The following ZNF546 variants were observed in gnomAD, a reference collection of about 807,000 sequenced individuals.
ZNF546 encodes zinc finger protein 546, also known as CTC-471F3.6.
In ZNF546, 60 loss-of-function variants were observed where a neutral mutation model predicts 76.2. That is an observed-to-expected ratio of 0.79 (90% confidence interval 0.64 to 0.98). The LOEUF (loss-of-function observed/expected upper bound fraction) is 0.98. Among genes scored for constraint, ZNF546 ranks in the 50% least tolerant of loss-of-function variants. ZNF546 has a pLI of 0.00. For missense variants in ZNF546, 936 were observed against 1,035.6 expected (o/e 0.90, Z 1.32); for synonymous variants, 277 against 328.1 (o/e 0.84, Z 1.68).
chr19:40,016,041 C>T lies in ZNF546; in HGVS notation c.*260C>T, dbSNP rs1971762326. 1 of 465,756 alleles carries T rather than the reference C, an allele frequency of 2.1e-6. No homozygotes were observed. Among genetic ancestry groups the T allele is most frequent in the South Asian group, 2.4e-5 (1 of 42,376 alleles). 28.9% of individuals were successfully genotyped at this position (465,756 alleles called of 1,614,324 possible). A position where few individuals can be genotyped will look rare whatever the true frequency, so the allele number is the denominator to read the frequency against. ...CAAACTGTTGTTGAACAGTGCTTCT[C>T]TAAAATGCAATAATAATGGGCCAGG... On this transcript the variant is annotated 3_prime_UTR_variant, in exon 7 of 7. Coordinates refer to ENST00000347077, the MANE Select transcript of ZNF546 (RefSeq NM_178544.5).
At chr19:40,008,781 G>A (rs1207057767) in intron 6 of ZNF546, among the ~76,000 whole-genome samples, 5 of 152,146 alleles carry the variant, frequency 3.3e-5, no homozygotes, top group African/African-American at 7.2e-5. Flanking sequence ...CTCTTCTCTC[G>A]TATTTCTCTC....
intron 3 of ZNF546, among the ~76,000 whole-genome samples, chr19:40,003,761 C>T (rs1197773354): frequency 2.0e-5 from 3 of 151,964 alleles, no homozygotes; most frequent in Admixed American, 1.3e-4. Context: ...CCTGCAATAC[C>T]AGCACTTTGG....
rs374322993 is a variant in ZNF546, at chr19:40,015,910, G to C, written c.*129G>C. On this transcript the variant is annotated 3_prime_UTR_variant, in exon 7 of 7. Coordinates refer to ENST00000347077, the MANE Select transcript of ZNF546 (RefSeq NM_178544.5). ...CTCACAATTTATCAGAAATTATTTCGTATGTTAAAGAGTCGAAAGACTATA... is the reference window on the plus strand; with the variant it reads ...CTCACAATTTATCAGAAATTATTTCCTATGTTAAAGAGTCGAAAGACTATA... The C allele has an allele frequency of 3.5e-6, 3 of 865,146 alleles. No individual in the cohort carries two copies. The Admixed American group carries it at 6.9e-5, about 20-fold the overall frequency. 53.6% of individuals were successfully genotyped at this position (865,146 alleles called of 1,614,324 possible).
Position 40,014,227 on chromosome 19 carries a change from T to G in ZNF546, c.957T>G (p.His319Gln). 6.2e-7 allele frequency: 1 copy of G among 1,613,532 alleles called. No individual in the cohort carries two copies. The highest frequency in any genetic ancestry group is 8.5e-7 in the Non-Finnish European group (1 of 1,179,560). The change falls in exon 7 of 7, where the codon CAT (histidine) becomes CAG (glutamine). Residue 319 changes from histidine (H) to glutamine (Q), a missense_variant. Coordinates refer to ENST00000347077, the MANE Select transcript of ZNF546 (RefSeq NM_178544.5). ...GTCGTGTTAGAGACCTTAGAGTACATCAGACAATTCATGCTGGAGAGAGAC... is the reference window on the plus strand; with the variant it reads ...GTCGTGTTAGAGACCTTAGAGTACAGCAGACAATTCATGCTGGAGAGAGAC... ...AFSRVRDLRV[H>Q]QTIHAGERPY...
rs374568590 is a variant in ZNF546, at chr19:40,001,073, A to T, written c.84+2663A>T. Among the ~76,000 whole-genome samples the T allele has an allele frequency of 5.3e-5, 8 of 152,208 alleles. No homozygotes were observed. In the East Asian group the frequency reaches 1.5e-3, roughly 29 times the overall value. ...CCTAGATCCCTCACATGGTCAGTTC[A>T]TAATAGGGTTCGCACTCCTATGAAA... is the stretch of plus-strand genomic sequence containing the variant. On this transcript the variant is annotated intron_variant, in intron 3 of 6. Coordinates refer to ENST00000347077, the MANE Select transcript of ZNF546 (RefSeq NM_178544.5).
At position 39,998,365 on chromosome 19, in the gene ZNF546, CT is replaced by C. The variant is rs1329428207; in HGVS notation, c.42del (p.Leu15SerfsTer13). 3 of 1,614,148 alleles carry C rather than the reference CT, an allele frequency of 1.9e-6. No individual in the cohort carries two copies. The highest frequency in any genetic ancestry group is 1.7e-5 in the Admixed American group (1 of 60,024). On this transcript the variant is annotated frameshift_variant, in exon 3 of 7. Coordinates refer to ENST00000347077, the MANE Select transcript of ZNF546 (RefSeq NM_178544.5). LOFTEE classifies it high-confidence loss of function. ...DPPLHGPPND[F>X]LIFQIIPLHS... is the part of the protein sequence containing the mutation. The stretch of plus-strand genomic sequence containing the variant: ...CTCCTCTTCACGGGCCTCCAAATGA[CT>C]TTCTCATTTTTCAAATCATTCCTCT...
At position 40,014,112 on chromosome 19, in the gene ZNF546, C is replaced by A; in HGVS notation, c.842C>A (p.Ala281Asp). The A allele has an allele frequency of 6.2e-7, 1 of 1,614,002 alleles. No individual in the cohort carries two copies. The highest frequency in any genetic ancestry group is 8.5e-7 in the Non-Finnish European group (1 of 1,179,936). The change falls in exon 7 of 7, where the codon GCC becomes GAC. Residue 281 changes from alanine to aspartate, a missense_variant. Ala to Asp is a moderately radical substitution (Grantham distance 126, BLOSUM62 -2). Coordinates refer to ENST00000347077, the MANE Select transcript of ZNF546 (RefSeq NM_178544.5). ...RPYECKECGKAFRLHYHLTEH... is the reference protein window; with the variant it reads ...RPYECKECGKDFRLHYHLTEH... ...TATGAATGTAAAGAATGTGGGAAGG[C>A]CTTTAGACTTCATTATCACCTTACT...
At chr19:40,012,172 G>A (rs984238714) in intron 6 of ZNF546, among the ~76,000 whole-genome samples, 4 of 152,132 alleles carry the variant, frequency 2.6e-5, no homozygotes, top group Non-Finnish European at 4.4e-5. Flanking sequence ...TACTTGAGTT[G>A]GGACAGAGAC....
rs1971740143 is a variant in ZNF546, at chr19:40,015,077, C to T, written c.1807C>T (p.His603Tyr). ...TAATCTTACTCAACATTTTAAAATT[C>T]ATACTGGTGAAAAACCCTACATATG... ...RYNLTQHFKIHTGEKPYICNE... is the reference protein window; with the variant it reads ...RYNLTQHFKIYTGEKPYICNE... The change falls in exon 7 of 7, where the codon CAT (histidine) becomes TAT (tyrosine). Residue 603 changes from histidine to tyrosine, a missense_variant. Physicochemically the swap from His to Tyr is moderately conservative, Grantham distance 83. Coordinates refer to ENST00000347077, the MANE Select transcript of ZNF546 (RefSeq NM_178544.5). The T allele has an allele frequency of 1.2e-6, 2 of 1,613,992 alleles. No individual in the cohort carries two copies. The highest frequency in any genetic ancestry group is 1.7e-6 in the Non-Finnish European group (2 of 1,179,898).
At position 40,016,075 on chromosome 19, in the gene ZNF546, C is replaced by T; in HGVS notation, c.*294C>T. ...AATAATAATGGGCCAGGTGAAGTGG[C>T]TCACACCTGTAATCCCAGCACTGTG... On this transcript the variant is annotated 3_prime_UTR_variant, in exon 7 of 7. Coordinates refer to ENST00000347077, the MANE Select transcript of ZNF546 (RefSeq NM_178544.5). 5.2e-6 allele frequency: 2 copies of T among 387,230 alleles called. No individual in the cohort carries two copies. The highest frequency in any genetic ancestry group is 9.6e-6 in the Non-Finnish European group (2 of 208,284). 24.0% of individuals were successfully genotyped at this position (387,230 alleles called of 1,614,324 possible).
chr19:40,002,333 C>G (rs937282847), intron 3 of ZNF546, among the ~76,000 whole-genome samples: 1 of 152,026 alleles, frequency 6.6e-6, no homozygotes, highest in Non-Finnish European at 1.5e-5. Flanking sequence ...GCTTTAATAG[C>G]CACTTGCAAG....
At chr19:40,002,873 T>G (rs904866528) in intron 3 of ZNF546, among the ~76,000 whole-genome samples, 1 of 151,984 alleles carries the variant, frequency 6.6e-6, no homozygotes, top group Non-Finnish European at 1.5e-5. Flanking sequence ...CTAATTTTTG[T>G]ATTTTTAGTA....
At chr19:40,013,542 A>G in intron 6 of ZNF546, 123 bp from the exon 7 acceptor site, 3 of 841,260 alleles carry the variant, frequency 3.6e-6, no homozygotes, top group Non-Finnish European at 5.3e-6. Flanking sequence ...TTTCTAATGT[A>G]TGTTATTTCT....
chr19:40,004,428 C>T (rs975628332), intron 3 of ZNF546, among the ~76,000 whole-genome samples: 1 of 151,822 alleles, frequency 6.6e-6, no homozygotes, highest in African/African-American at 2.4e-5. Context: ...CCACCACACC[C>T]AGCTAATTTT....
At position 40,014,251 on chromosome 19, in the gene ZNF546, A is replaced by G. The variant is rs774200127; in HGVS notation, c.981A>G (p.Arg327=). ...ATCAGACAATTCATGCTGGAGAGAG[A>G]CCTTATGAATGTAAAGAATGTGGGA... ...RVHQTIHAGE[R]PYECKECGKA... Residue 327 remains arginine, a synonymous_variant, in exon 7 of 7, where the codon AGA becomes AGG. Coordinates refer to ENST00000347077, the MANE Select transcript of ZNF546 (RefSeq NM_178544.5). 23 of 1,613,586 alleles carry G rather than the reference A, an allele frequency of 1.4e-5. No homozygotes were observed. The Admixed American group carries it at 3.8e-4, about 27-fold the overall frequency.
Position 40,015,216 on chromosome 19 carries a change from G to A in ZNF546, c.1946G>A (p.Ser649Asn). 1.2e-6 allele frequency: 2 copies of A among 1,613,140 alleles called. No individual in the cohort carries two copies. The highest frequency in any genetic ancestry group is 1.7e-6 in the Non-Finnish European group (2 of 1,179,818). ...GAATGTGGGAAGGCCTTTATTCGTAGCACTCATCTCACGCAACATCACAGA... is the reference window on the plus strand; with the variant it reads ...GAATGTGGGAAGGCCTTTATTCGTAACACTCATCTCACGCAACATCACAGA... ...CTECGKAFIRSTHLTQHHRIH... is the reference protein window; with the variant it reads ...CTECGKAFIRNTHLTQHHRIH... The change falls in exon 7 of 7, where the codon AGC becomes AAC. Residue 649 changes from serine (S) to asparagine (N), a missense_variant. Transcript: ENST00000347077.
rs1357821896 is a variant in ZNF546, at chr19:40,014,631, C to T, written c.1361C>T (p.Thr454Met). ...RECGKAFRLQ[T>M]ELTRHHRTHT... ...TGTGGAAAAGCCTTTCGTCTTCAAACGGAACTTACTCGGCATCATAGAACT... is the reference window on the plus strand; with the variant it reads ...TGTGGAAAAGCCTTTCGTCTTCAAATGGAACTTACTCGGCATCATAGAACT... The change falls in exon 7 of 7, where the codon ACG becomes ATG. Residue 454 changes from threonine (T) to methionine (M), a missense_variant. Physicochemically the swap from Thr to Met is moderately conservative, Grantham distance 81. Transcript: ENST00000347077. 9.3e-6 allele frequency: 15 copies of T among 1,609,972 alleles called. No homozygotes were observed. The highest frequency in any genetic ancestry group is 2.2e-5 in the South Asian group (2 of 90,874).
rs1316848809 is a variant in ZNF546, at chr19:40,019,437, GAAAAT to G, written c.*3663_*3667del. On this transcript the variant is annotated 3_prime_UTR_variant, in exon 7 of 7. Transcript: ENST00000347077. ...ATCATTAAAAGGAGTTAATGAATTT[GAAAAT>G]AAAATAGACTTATTAAGGCTTTGTG... 3 of 152,086 alleles carry G rather than the reference GAAAAT, an allele frequency of 2.0e-5. No homozygotes were observed. The highest frequency in any genetic ancestry group is 2.0e-4 in the Admixed American group (3 of 15,280). 9.4% of individuals were successfully genotyped at this position (152,086 alleles called of 1,614,324 possible).
At chr19:40,004,377 C>T (rs1234265272) in intron 3 of ZNF546, among the ~76,000 whole-genome samples, 2 of 151,960 alleles carry the variant, frequency 1.3e-5, no homozygotes, top group Non-Finnish European at 2.9e-5. Flanking sequence ...AAGTGATTCT[C>T]CTTCCTCAGC....
Sources: gnomAD v4.1 joint callset for allele counts (sites outside exome capture counted in the v4.1 genomes callset) on GRCh38, gnomAD v4.1.1 for gene constraint, MANE v1.5 for transcripts, NCBI Gene and HGNC (gene_info 2026-07-23, HGNC 2026-07-21) for gene names.